MAK: variants seen among roughly 807,000 people sequenced by gnomAD.
MAK encodes the protein serine/threonine-protein kinase MAK.
Under a neutral mutation model 82.6 loss-of-function variants are expected in MAK, and 65 were observed. The observed-to-expected ratio is 0.79, with a 90% CI of 0.64 to 0.97. MAK has a LOEUF of 0.97. Ranked by LOEUF, MAK falls within the 50% of genes least tolerant of loss-of-function variation. The pLI is 0.00. For missense variants in MAK, 703 were observed against 780.2 expected (o/e 0.90, Z 1.18); for synonymous variants, 250 against 274.2 (o/e 0.91, Z 0.87).
Position 10,808,763 on chromosome 6 carries a change from T to A in MAK, c.491+47A>T, listed in dbSNP as rs1293754950. On this transcript the variant is annotated intron_variant, in intron 6 of 14. Transcript: ENST00000354489. ...ATGTAACAATCCATCGTAGGAAAAT[T>A]TCACCATAGGCTTATGCCTCAGGAG... 1.3e-5 allele frequency: 20 copies of A among 1,595,230 alleles called. 1 individual carries two copies. The South Asian group carries it at 1.7e-4, about 13-fold the overall frequency.
intron 11 of MAK, among the ~76,000 whole-genome samples, chr6:10,779,744 G>A (rs1320694635): frequency 1.3e-5 from 2 of 152,048 alleles, no homozygotes; most frequent in Non-Finnish European, 2.9e-5. Flanking sequence ...GAGTGCAATG[G>A]CACTATCTTG....
Position 10,806,177 on chromosome 6 carries a change from C to CTT in MAK, c.492-2288_492-2287dup, listed in dbSNP as rs70991047. Among the ~76,000 whole-genome samples the CTT allele has an allele frequency of 4.2e-3, 594 of 140,890 alleles. 3 individuals are homozygous for CTT. The highest frequency in any genetic ancestry group is 9.8e-3 in the East Asian group (48 of 4,878). 92.4% of individuals were successfully genotyped at this position (140,890 alleles called of 152,430 possible). On this transcript the variant is annotated intron_variant, in intron 6 of 14. Coordinates refer to ENST00000354489, the MANE Select transcript of MAK (RefSeq NM_001242957.3). ...TTTGACCTTCACCCCGCCATCTTTT[C>CTT]TTTTTTTTTTTTTTGAGACGGAGTT...
intron 1 of MAK, among the ~76,000 whole-genome samples, chr6:10,836,082 T>A (rs965008638): frequency 3.3e-5 from 5 of 152,336 alleles, no homozygotes; most frequent in African/African-American, 1.2e-4. Flanking sequence ...GCAACACCAA[T>A]TGTCTTTCAA....
intron 10 of MAK, among the ~76,000 whole-genome samples, chr6:10,791,046 G>A (rs930797149): frequency 1.3e-5 from 2 of 152,108 alleles, no homozygotes; most frequent in Non-Finnish European, 2.9e-5. Context: ...AGCACATGCT[G>A]GCACTATGCT....
intron 12 of MAK, 148 bp downstream of exon 12, chr6:10,775,180 G>A: frequency 2.3e-6 from 2 of 861,408 alleles, no homozygotes. Flanking sequence ...AGCAGAGCAG[G>A]GCTACCCATA....
intron 10 of MAK, among the ~76,000 whole-genome samples, chr6:10,789,807 C>G (rs1774922355): frequency 6.6e-6 from 1 of 152,142 alleles, no homozygotes; most frequent in Non-Finnish European, 1.5e-5. Context: ...AGGCGCCCGC[C>G]ACCACACCCA....
At chr6:10,821,712 G>A (rs1320850148) in intron 2 of MAK, among the ~76,000 whole-genome samples, 1 of 152,200 alleles carries the variant, frequency 6.6e-6, no homozygotes, top group Non-Finnish European at 1.5e-5. Context: ...GTGTGCGCCT[G>A]TAGTCCCAGC....
chr6:10,820,249 G>A (rs533505876), intron 2 of MAK, among the ~76,000 whole-genome samples: 3 of 152,070 alleles, frequency 2.0e-5, no homozygotes, highest in South Asian at 2.1e-4. Flanking sequence ...ATCTCCTATC[G>A]AGATGTTCCA....
At position 10,775,502 on chromosome 6, in the gene MAK, A is replaced by G; in HGVS notation, c.1466-43T>C. On this transcript the variant is annotated intron_variant, in intron 11 of 14. Coordinates refer to ENST00000354489, the MANE Select transcript of MAK (RefSeq NM_001242957.3). ...ACCACTTCAAAGGTTAGAGCAGATC[A>G]TAAACTTAAAGGAAACTTATGTAAT... The G allele has an allele frequency of 1.9e-6, 3 of 1,602,068 alleles. No homozygotes were observed. The South Asian group carries it at 3.3e-5, about 18-fold the overall frequency.
chr6:10,785,576 A>G (rs1423839895), intron 10 of MAK, among the ~76,000 whole-genome samples: 1 of 152,260 alleles, frequency 6.6e-6, no homozygotes, highest in Non-Finnish European at 1.5e-5. Context: ...TTCTAGGCAC[A>G]GGTGCGTCTG....
At chr6:10,826,850 G>A (rs887381685) in intron 2 of MAK, among the ~76,000 whole-genome samples, 32 of 152,122 alleles carry the variant, frequency 2.1e-4, no homozygotes, top group African/African-American at 7.2e-4. Context: ...GGTGGCTCAC[G>A]CCTGTAATCC....
intron 5 of MAK, among the ~76,000 whole-genome samples, chr6:10,809,287 T>C (rs2127565396): frequency 6.6e-6 from 1 of 152,278 alleles, no homozygotes; most frequent in Middle Eastern, 3.4e-3. Flanking sequence ...CTGAAGGAGG[T>C]ACTGTTATCA....
chr6:10,781,612 C>T (rs1413115254), intron 11 of MAK, among the ~76,000 whole-genome samples: 4 of 151,874 alleles, frequency 2.6e-5, no homozygotes, highest in South Asian at 2.1e-4. Flanking sequence ...TTAGTAGAGA[C>T]AGGGTTTTGC....
At chr6:10,770,031 A>C in intron 14 of MAK, 80 bp downstream of exon 14, 1 of 1,611,630 alleles carries the variant, frequency 6.2e-7, no homozygotes, top group Admixed American at 1.7e-5. Context: ...TCGCTTGGGA[A>C]AAGTGACTGC....
intron 2 of MAK, among the ~76,000 whole-genome samples, chr6:10,824,384 C>T (rs1343354526): frequency 6.6e-6 from 1 of 152,218 alleles, no homozygotes; most frequent in Non-Finnish European, 1.5e-5. Context: ...CTTTATACAA[C>T]CTCTTTCTTG....
chr6:10,828,608 T>C (rs919615495), intron 2 of MAK, among the ~76,000 whole-genome samples: 5 of 152,044 alleles, frequency 3.3e-5, no homozygotes, highest in African/African-American at 1.2e-4. Flanking sequence ...CTGGGCAACA[T>C]GGCAAGACCC....
intron 2 of MAK, among the ~76,000 whole-genome samples, chr6:10,823,770 TC>T (rs1778136833): frequency 6.6e-6 from 1 of 152,106 alleles, no homozygotes. Flanking sequence ...CCTCAGGTGA[TC>T]CACCCCACTT....
Position 10,763,527 on chromosome 6 carries a change from TTAAAGA to T in MAK, c.*919_*924del, listed in dbSNP as rs1020670478. 4.4e-5 allele frequency: 6 copies of T among 135,664 alleles called. No homozygotes were observed. Among genetic ancestry groups the T allele is most frequent in the Non-Finnish European group, 6.1e-5 (4 of 65,108 alleles). The allele number at this position is 135,664 out of a possible 1,614,324, so 8.4% of individuals were successfully genotyped here. On this transcript the variant is annotated 3_prime_UTR_variant, in exon 15 of 15. Transcript: ENST00000354489. ...TGGCATAACTTTGATATTCTCTATG[TTAAAGA>T]TAAATTTATTTCTAAAAAAAAAAAA... is the stretch of plus-strand genomic sequence containing the variant.
chr6:10,789,664 CTTTTT>C (rs991186612), intron 10 of MAK, among the ~76,000 whole-genome samples: 1 of 151,916 alleles, frequency 6.6e-6, no homozygotes, highest in Admixed American at 6.6e-5. Context: ...TCAAAAATAT[CTTTTT>C]TTTGTTTTGA....
Sources: allele counts gnomAD v4.1 joint callset (sites outside exome capture counted in the v4.1 genomes callset), GRCh38; gene constraint gnomAD v4.1.1; transcripts MANE v1.5; gene names NCBI Gene and HGNC (gene_info 2026-07-23, HGNC 2026-07-21).